The following MTPN variants were observed in gnomAD, a reference collection of about 807,000 sequenced individuals.
The protein encoded by MTPN is myotrophin, also known as granule cell differentiation protein.
MTPN carries 2 observed loss-of-function variants against 13.5 expected under a neutral mutation model. The ratio of observed to expected loss-of-function variants is 0.15; its 90% CI spans 0.06 to 0.47. The LOEUF is 0.47. Ranked by LOEUF, MTPN falls within the 20% of genes least tolerant of loss-of-function variation. The pLI is 0.97. For synonymous variants in MTPN, 46 were observed against 51.7 expected (o/e 0.89, Z 0.48); for missense variants, 79 against 137.9 (o/e 0.57, Z 2.14).
At chr7:135,933,507 A>ATTAAC (rs1282304304) in intron 3 of MTPN, among the ~76,000 whole-genome samples, 2 of 152,136 alleles carry the variant, frequency 1.3e-5, no homozygotes, top group African/African-American at 4.8e-5. Context: ...TTTTGTCAAG[A>ATTAAC]TTAACTTTTA....
intron 1 of MTPN, among the ~76,000 whole-genome samples, chr7:135,955,842 A>T (rs1349454650): frequency 2.2e-5 from 1 of 44,582 alleles, no homozygotes; most frequent in Non-Finnish European, 4.9e-5. Flanking sequence ...AATGGATTAT[A>T]AAAAAAAAAA....
rs1270995097 is a variant in MTPN at position 135,928,391 on chromosome 7, G to A, written c.*1535C>T. 2 of 167,092 alleles carry A rather than the reference G, an allele frequency of 1.2e-5. No homozygotes were observed. The highest frequency in any genetic ancestry group is 2.9e-5 in the Non-Finnish European group (2 of 68,112). 10.4% of individuals were successfully genotyped at this position (167,092 alleles called of 1,614,324 possible). ...TCAGTAAAACTTGTTATTAACCAGG[G>A]TGACTGTTCTTGATAATAGATTAAC... On this transcript the variant is annotated 3_prime_UTR_variant, in exon 4 of 4. Transcript: ENST00000393085.
At chr7:135,942,169 G>C (rs149389939) in intron 3 of MTPN, among the ~76,000 whole-genome samples, 1 of 152,200 alleles carries the variant, frequency 6.6e-6, no homozygotes, top group East Asian at 1.9e-4. Flanking sequence ...GATTACAGGC[G>C]TGAGCTACTG....
chr7:135,955,854 A>AC (rs1799436920), intron 1 of MTPN, among the ~76,000 whole-genome samples: 1 of 149,664 alleles, frequency 6.7e-6, no homozygotes, highest in Non-Finnish European at 1.5e-5. Context: ...AAAAAAAAAA[A>AC]CCCAATATGC....
At chr7:135,932,843 A>C (rs1799045543) in intron 3 of MTPN, 1 of 152,168 alleles carries the variant, frequency 6.6e-6, no homozygotes, top group Admixed American at 6.6e-5. Flanking sequence ...TAATCCCAGC[A>C]CTCTGGGAGG....
intron 3 of MTPN, among the ~76,000 whole-genome samples, chr7:135,935,392 C>T (rs1289403043): frequency 3.3e-5 from 5 of 152,246 alleles, no homozygotes; most frequent in African/African-American, 9.6e-5. Flanking sequence ...GTGCATACCA[C>T]CATGCCTGAC....
chr7:135,961,641 C>A (rs1382373542), intron 1 of MTPN, among the ~76,000 whole-genome samples: 2 of 151,754 alleles, frequency 1.3e-5, no homozygotes, highest in Admixed American at 6.6e-5. Flanking sequence ...GTTCAATGTG[C>A]TAGGCTCTTA....
chr7:135,953,149 T>TC lies in MTPN; in HGVS notation c.73-1520dup, dbSNP rs199635762. ...CCCTTTGTCACTTATGCCTGCTCCC[T>TC]CCTTCCTTCCCATTAATTTAAATAC... On this transcript the variant is annotated intron_variant, in intron 1 of 3. Coordinates refer to ENST00000393085, the MANE Select transcript of MTPN (RefSeq NM_145808.4). Among the ~76,000 whole-genome samples the TC allele has an allele frequency of 6.8e-4, 104 of 152,286 alleles. 2 individuals carry two copies. The East Asian group carries it at 0.018, about 26-fold the overall frequency.
chr7:135,963,560 A>C (rs1799557247), intron 1 of MTPN, among the ~76,000 whole-genome samples: 1 of 152,074 alleles, frequency 6.6e-6, no homozygotes, highest in African/African-American at 2.4e-5. Context: ...ATAGAAAGAA[A>C]GAAGGTCTGT....
chr7:135,948,073 T>C (rs1799311400), intron 3 of MTPN, among the ~76,000 whole-genome samples: 1 of 152,190 alleles, frequency 6.6e-6, no homozygotes, highest in Non-Finnish European at 1.5e-5. Flanking sequence ...TCCATAAGAA[T>C]TCTACTTTTG....
At chr7:135,931,182 G>A (rs771100002) in intron 3 of MTPN, among the ~76,000 whole-genome samples, 1 of 152,040 alleles carries the variant, frequency 6.6e-6, no homozygotes, top group Admixed American at 6.6e-5. Context: ...TTTAATATGC[G>A]CATACTGTGT....
At chr7:135,946,055 A>G (rs1451311129) in intron 3 of MTPN, among the ~76,000 whole-genome samples, 1 of 152,248 alleles carries the variant, frequency 6.6e-6, no homozygotes, top group African/African-American at 2.4e-5. Context: ...CTCACAAAGT[A>G]TCTTAGTAAT....
intron 1 of MTPN, among the ~76,000 whole-genome samples, chr7:135,965,837 T>C (rs974680033): frequency 1.3e-5 from 2 of 152,118 alleles, no homozygotes; most frequent in East Asian, 3.9e-4. Context: ...TCTGTTAACA[T>C]ACAAAGTGGT....
At chr7:135,947,778 T>C (rs1207283126) in intron 3 of MTPN, among the ~76,000 whole-genome samples, 1 of 152,146 alleles carries the variant, frequency 6.6e-6, no homozygotes, top group African/African-American at 2.4e-5. Flanking sequence ...ATAAATGGTT[T>C]CCTTATCCAT....
rs186314673 is a variant in MTPN at position 135,956,087 on chromosome 7, G to A, written c.73-4457C>T. ...AAATAAAAGGCATCCATTTCGAAAAGGAAGAATTAAAGCTGTCTTTATCTG... is the reference window on the plus strand; with the variant it reads ...AAATAAAAGGCATCCATTTCGAAAAAGAAGAATTAAAGCTGTCTTTATCTG... On this transcript the variant is annotated intron_variant, in intron 1 of 3. Coordinates refer to ENST00000393085, the MANE Select transcript of MTPN (RefSeq NM_145808.4). Among the ~76,000 whole-genome samples the A allele has an allele frequency of 3.2e-3, 483 of 152,306 alleles. 4 individuals are homozygous for A. The highest frequency in any genetic ancestry group is 0.011 in the African/African-American group (465 of 41,552).
At chr7:135,966,962 AT>A (rs1357223631) in intron 1 of MTPN, among the ~76,000 whole-genome samples, 1 of 152,086 alleles carries the variant, frequency 6.6e-6, no homozygotes. Flanking sequence ...ATCTGAAGAC[AT>A]TTTTTTAGGG....
chr7:135,939,642 G>A (rs1340089132), intron 3 of MTPN, among the ~76,000 whole-genome samples: 2 of 150,024 alleles, frequency 1.3e-5, no homozygotes, highest in African/African-American at 4.9e-5. Flanking sequence ...ACACAGCGGA[G>A]CCAGTCACTT....
At chr7:135,975,547 G>A (rs1299747151) in intron 1 of MTPN, among the ~76,000 whole-genome samples, 2 of 152,132 alleles carry the variant, frequency 1.3e-5, no homozygotes, top group Non-Finnish European at 2.9e-5. Flanking sequence ...AATACATTGT[G>A]TTATTTTGGT....
chr7:135,973,014 CA>C (rs1469744974), intron 1 of MTPN, among the ~76,000 whole-genome samples: 1 of 151,204 alleles, frequency 6.6e-6, no homozygotes, highest in Admixed American at 6.6e-5. Flanking sequence ...TGTAGAAAAG[CA>C]AGCCCAGATA....
Sources: allele counts gnomAD v4.1 joint callset (sites outside exome capture counted in the v4.1 genomes callset), GRCh38; gene constraint gnomAD v4.1.1; transcripts MANE v1.5; gene names NCBI Gene and HGNC (gene_info 2026-07-23, HGNC 2026-07-21).